The following RASGRP4 variants were observed in gnomAD, a reference collection of about 807,000 sequenced individuals.
RASGRP4 encodes the protein RAS guanyl releasing protein 4.
RASGRP4 carries 52 observed loss-of-function variants against 84.4 expected under a neutral mutation model. The ratio of observed to expected loss-of-function variants is 0.62; its 90% confidence interval spans 0.49 to 0.78. The LOEUF (loss-of-function observed/expected upper bound fraction) is 0.78, where lower values mean the gene tolerates loss of function less well. Ranked by LOEUF, RASGRP4 falls within the 30% of genes least tolerant of loss-of-function variation. The pLI is 0.00. For synonymous variants in RASGRP4, 356 were observed against 359.1 expected, an observed-to-expected ratio of 0.99 and a Z score of 0.10; for missense variants, 760 against 886.9, an observed-to-expected ratio of 0.86 and a Z score of 1.82.
chr19:38,410,414 CTTTT>C (rs1001083743), intron 16 of RASGRP4, among the ~76,000 whole-genome samples: 4 of 136,006 alleles, frequency 2.9e-5, no homozygotes, highest in African/African-American at 2.8e-5. Context: ...TTCTATTTTT[CTTTT>C]TTTTTTTTTT....
At chr19:38,415,982 C>T (rs967830983) in intron 8 of RASGRP4, among the ~76,000 whole-genome samples, 2 of 151,002 alleles carry the variant, frequency 1.3e-5, no homozygotes, top group Admixed American at 1.3e-4. Flanking sequence ...TCGCTTGAAC[C>T]TGGGAGGTGG....
chr19:38,420,763 AG>A, intron 4 of RASGRP4, 144 bp downstream of exon 4: 1 of 738,998 alleles, frequency 1.4e-6, no homozygotes, highest in East Asian at 2.6e-5. Context: ...ACCAAGCTAC[AG>A]GTGTCTCAGA....
At position 38,412,800 on chromosome 19, in the gene RASGRP4, T is replaced by C. The variant is rs1395691038; in HGVS notation, c.1552A>G (p.Arg518Gly). The C allele has an allele frequency of 1.2e-6, 2 of 1,607,532 alleles. No individual in the cohort carries two copies. The highest frequency in any genetic ancestry group is 1.7e-6 in the Non-Finnish European group (2 of 1,176,880). The change falls in exon 13 of 17, where the codon AGA becomes GGA. Residue 518 changes from arginine (R) to glycine (G), a missense_variant. By Grantham distance (125) the Arg-to-Gly change is moderately radical. Coordinates refer to ENST00000615439, the MANE Select transcript of RASGRP4 (RefSeq NM_170604.3). The surrounding 1 kb of genome is among the most constrained non-coding windows in gnomAD (Gnocchi z 4.6). ...PPRQGRGSFS[R>G]EELTGYLLRA... ...AGCAGGTACCCTGTCAGCTCCTCTC[T>C]GCTGAAGGATCCTCTCCTGGGGGCA... is the stretch of plus-strand genomic sequence containing the variant.
chr19:38,410,771 C>A (rs1464319811), intron 16 of RASGRP4, 115 bp downstream of exon 16: 2 of 734,736 alleles, frequency 2.7e-6, no homozygotes, highest in Admixed American at 4.6e-5. Context: ...CCCCAGCAGT[C>A]AAGGACTTCT....
At chr19:38,411,306 G>A (rs1196285684) in intron 14 of RASGRP4, 39 bp downstream of exon 14, 2 of 1,611,060 alleles carry the variant, frequency 1.2e-6, no homozygotes, top group African/African-American at 2.7e-5. Flanking sequence ...CCAGCCTGCG[G>A]GCCAAGGCTT....
rs1400247774 is a variant in RASGRP4 at position 38,412,899 on chromosome 19, C to T, written c.1535+32G>A. The T allele has an allele frequency of 1.2e-6, 2 of 1,613,208 alleles. No individual in the cohort carries two copies. The highest frequency in any genetic ancestry group is 1.7e-6 in the Non-Finnish European group (2 of 1,179,314). On this transcript the variant is annotated intron_variant, in intron 12 of 16. Transcript: ENST00000615439. This position sits in a 1 kb window ranked among gnomAD's most constrained non-coding sequence, Gnocchi z 4.6. ...GTCCAGGCAACCCCAGTGTCCTCAT[C>T]TTCGGAGGATCCAGGAGTCACAACC...
Position 38,417,125 on chromosome 19 carries a change from G to C in RASGRP4, c.881C>G (p.Thr294Arg), listed in dbSNP as rs1403497256. ...GATGGCACTGTGACACAGGCCCCCTGTGACTGCCATCAGCGTGTTGAAATT... is the reference window on the plus strand; with the variant it reads ...GATGGCACTGTGACACAGGCCCCCTCTGACTGCCATCAGCGTGTTGAAATT... ...LQNFNTLMAV[T>R]GGLCHSAISR... is the part of the protein sequence containing the mutation. The change falls in exon 8 of 17, where the codon ACA becomes AGA. Residue 294 changes from threonine (T) to arginine (R), a missense_variant. Physicochemically the swap from Thr to Arg is moderately conservative, Grantham distance 71. Transcript: ENST00000615439. The surrounding 1 kb of genome is among the most constrained non-coding windows in gnomAD (Gnocchi z 5.1). The C allele has an allele frequency of 6.4e-7, 1 of 1,564,702 alleles. No individual in the cohort carries two copies. The highest frequency in any genetic ancestry group is 8.7e-7 in the Non-Finnish European group (1 of 1,154,480).
chr19:38,418,490 G>T lies in RASGRP4; in HGVS notation c.738C>A (p.Leu246=), dbSNP rs1167841142. 1.3e-6 allele frequency: 2 copies of T among 1,568,212 alleles called. No individual in the cohort carries two copies. The change falls in exon 7 of 17, where the codon CTC becomes CTA. Residue 246 remains leucine (L), a synonymous_variant. Coordinates refer to ENST00000615439, the MANE Select transcript of RASGRP4 (RefSeq NM_170604.3). This position sits in a 1 kb window ranked among gnomAD's most constrained non-coding sequence, Gnocchi z 4.6. The stretch of plus-strand genomic sequence containing the variant: ...GCACCCAGCGGGACACGCTGTTGCT[G>T]AGACCTACGGAGCCCTCCAGGGCCG... The part of the protein sequence containing the change: ...GCPALEGSVG[L]SNSVSRWVQV...
In RASGRP4 at chr19:38,409,143, T is replaced by TGGG. The variant is rs34348646; in HGVS notation, c.*894_*896dup. On this transcript the variant is annotated 3_prime_UTR_variant, in exon 17 of 17. Transcript: ENST00000615439. Reference sequence around the variant, plus strand: ...GGGGTGTTGGGGTTTGTGAAGGGGTTGGGGGGGTCTCTGCTCCCTGGGACT... The same window carrying TGGG: ...GGGGTGTTGGGGTTTGTGAAGGGGTTGGGGGGGGGGTCTCTGCTCCCTGGGACT... The TGGG allele has an allele frequency of 7.7e-6, 2 of 260,138 alleles. No homozygotes were observed. Among genetic ancestry groups the TGGG allele is most frequent in the African/African-American group, 4.7e-5 (2 of 42,150 alleles). The allele number at this position is 260,138 out of a possible 1,614,324, so 16.1% of individuals were successfully genotyped here. A position where few individuals can be genotyped will look rare whatever the true frequency, so the allele number is the denominator to read the frequency against.
chr19:38,409,100 T>G lies in RASGRP4; in HGVS notation c.*940A>C. On this transcript the variant is annotated 3_prime_UTR_variant, in exon 17 of 17. Coordinates refer to ENST00000615439, the MANE Select transcript of RASGRP4 (RefSeq NM_170604.3). ...ATTTATGACAGCTGTAGGACCTCTC[T>G]CTGTGGGGGCCAAGTCAGGGGTGTT... 5 of 392,262 alleles carry G rather than the reference T, an allele frequency of 1.3e-5. No homozygotes were observed. Among genetic ancestry groups the G allele is most frequent in the East Asian group, 5.4e-5 (1 of 18,628 alleles). 24.3% of individuals were successfully genotyped at this position (392,262 alleles called of 1,614,324 possible).
At position 38,409,878 on chromosome 19, in the gene RASGRP4, C is replaced by G; in HGVS notation, c.*162G>C. The G allele has an allele frequency of 1.8e-6, 1 of 564,186 alleles. No homozygotes were observed. The highest frequency in any genetic ancestry group is 3.2e-6 in the Non-Finnish European group (1 of 313,418). 34.9% of individuals were successfully genotyped at this position (564,186 alleles called of 1,614,324 possible). A position where few individuals can be genotyped will look rare whatever the true frequency, so the allele number is the denominator to read the frequency against. On this transcript the variant is annotated 3_prime_UTR_variant, in exon 17 of 17. Transcript: ENST00000615439. ...CCACCAGGATGCAAAAGAGGAAAGTCACTTCCAGGGAAAAAGATGACGGAC... is the reference window on the plus strand; with the variant it reads ...CCACCAGGATGCAAAAGAGGAAAGTGACTTCCAGGGAAAAAGATGACGGAC...
rs1217307864 is a variant in RASGRP4, at chr19:38,417,561, G to A, written c.838-393C>T. On this transcript the variant is annotated intron_variant, in intron 7 of 16. Coordinates refer to ENST00000615439, the MANE Select transcript of RASGRP4 (RefSeq NM_170604.3). The surrounding 1 kb of genome is among the most constrained non-coding windows in gnomAD (Gnocchi z 5.1). ...GAGTCACACAGGTGCGGGGAGGCAA[G>A]AAGGTGCAGGCTCTGGGCAGGAGCT... is the stretch of plus-strand genomic sequence containing the variant. Among the ~76,000 whole-genome samples, 1 of 152,130 alleles carries A rather than the reference G, an allele frequency of 6.6e-6. No homozygotes were observed. The highest frequency in any genetic ancestry group is 1.5e-5 in the Non-Finnish European group (1 of 68,018).
rs1029631732 is a variant in RASGRP4 at position 38,411,395 on chromosome 19, G to A, written c.1681-14C>T. On this transcript the variant is annotated splice_polypyrimidine_tract_variant and intron_variant, in intron 13 of 16. Transcript: ENST00000615439. ...GACACCCCAGAGCTGGGAAGAGAAA[G>A]GAGAAAAGGTTACCCATCCTAGGAG... 1.4e-5 allele frequency: 21 copies of A among 1,546,484 alleles called. No homozygotes were observed. The highest frequency in any genetic ancestry group is 1.8e-5 in the Non-Finnish European group (21 of 1,141,998).
chr19:38,411,635 A>C, intron 13 of RASGRP4: 1 of 491,272 alleles, frequency 2.0e-6, no homozygotes, highest in South Asian at 3.0e-5. Flanking sequence ...TGGAGGCTGC[A>C]ATGAACCATG....
chr19:38,410,830 C>T (rs978170021), intron 16 of RASGRP4, 56 bp downstream of exon 16: 17 of 1,285,428 alleles, frequency 1.3e-5, no homozygotes, highest in African/African-American at 1.2e-4. Flanking sequence ...GTCTTCCCCA[C>T]GCCAATGGCC....
intron 4 of RASGRP4, 108 bp from the exon 5 acceptor site, chr19:38,420,370 A>T: frequency 1.7e-6 from 2 of 1,164,096 alleles, no homozygotes; most frequent in Admixed American, 2.9e-5. Context: ...GGGTCTCTAA[A>T]TGTGTGTGGG....
chr19:38,412,647 G>A lies in RASGRP4; in HGVS notation c.1680+25C>T. Reference sequence around the variant, plus strand: ...GGCTTCAGGACAGATGGAACCTAAGGGTGGTGATGGGGTGGGGTGCTCACG... The same window carrying A: ...GGCTTCAGGACAGATGGAACCTAAGAGTGGTGATGGGGTGGGGTGCTCACG... On this transcript the variant is annotated intron_variant, in intron 13 of 16. Transcript: ENST00000615439. This position sits in a 1 kb window ranked among gnomAD's most constrained non-coding sequence, Gnocchi z 4.6. The A allele has an allele frequency of 6.2e-7, 1 of 1,608,506 alleles. No individual in the cohort carries two copies.
At chr19:38,422,904 G>C (rs897801987) in intron 1 of RASGRP4, among the ~76,000 whole-genome samples, 1 of 151,810 alleles carries the variant, frequency 6.6e-6, no homozygotes, top group African/African-American at 2.4e-5. Context: ...GGGGACCGCC[G>C]CTCAGGACTG....
At position 38,414,995 on chromosome 19, in the gene RASGRP4, C is replaced by T. The variant is rs1971436328; in HGVS notation, c.1083G>A (p.Leu361=). The T allele has an allele frequency of 6.2e-7, 1 of 1,612,950 alleles. No individual in the cohort carries two copies. Residue 361 remains leucine (L), a synonymous_variant, in exon 9 of 17, where the codon CTG becomes CTA. Transcript: ENST00000615439. ...GCAACCTGTCGGGCTGTGCCTCATGCAGGGACACCAGGTCCTTGAGGTGCA... is the reference window on the plus strand; with the variant it reads ...GCAACCTGTCGGGCTGTGCCTCATGTAGGGACACCAGGTCCTTGAGGTGCA... The part of the protein sequence containing the change: ...LGVHLKDLVS[L]HEAQPDRLPD...
Sources: allele counts gnomAD v4.1 joint callset (sites outside exome capture counted in the v4.1 genomes callset), GRCh38; gene constraint gnomAD v4.1.1; non-coding constraint Gnocchi (gnomAD v3.1); transcripts MANE v1.5; gene names NCBI Gene and HGNC (gene_info 2026-07-23, HGNC 2026-07-21).